HTR7: variants seen among roughly 807,000 people sequenced by gnomAD.
HTR7 encodes 5-hydroxytryptamine receptor 7, also known as 5-HT-7.
A neutral mutation model predicts 34.0 loss-of-function variants in HTR7; 16 were observed. The ratio of observed to expected loss-of-function variants is 0.47; its 90% CI spans 0.32 to 0.71. HTR7 has a LOEUF of 0.71. Ranked by LOEUF, HTR7 falls within the 30% of genes least tolerant of loss-of-function variation. The probability of loss-of-function intolerance (pLI) is 0.04; values close to 1 mark genes in which losing one functional copy is unlikely to be tolerated. For synonymous variants in HTR7, 265 were observed against 260.2 expected, an observed-to-expected ratio of 1.02 and a Z score of -0.18; for missense variants, 504 against 625.5, an observed-to-expected ratio of 0.81 and a Z score of 2.07.
At chr10:90,851,755 AC>A (rs1438535519) in intron 1 of HTR7, among the ~76,000 whole-genome samples, 1 of 152,130 alleles carries the variant, frequency 6.6e-6, no homozygotes, top group Non-Finnish European at 1.5e-5. Context: ...AATAATCCCC[AC>A]ATGTCAAGGG....
chr10:90,814,676 G>C (rs2119981947), intron 1 of HTR7, among the ~76,000 whole-genome samples: 1 of 152,238 alleles, frequency 6.6e-6, no homozygotes, highest in South Asian at 2.1e-4. Context: ...GGTAGTAGAA[G>C]TCTTTAGATG....
chr10:90,829,908 A>C (rs1459686689), intron 1 of HTR7, among the ~76,000 whole-genome samples: 1 of 152,222 alleles, frequency 6.6e-6, no homozygotes, highest in Non-Finnish European at 1.5e-5. Flanking sequence ...GAATTAACCA[A>C]AGAAGTGAAA....
chr10:90,748,991 A>G lies in HTR7; in HGVS notation c.1143T>C (p.Pro381=). Residue 381 remains proline (P), a synonymous_variant, in exon 2 of 4, where the codon CCT becomes CCC. Coordinates refer to ENST00000336152, the MANE Select transcript of HTR7 (RefSeq NM_019859.4). ...CCCGGTTGAAGAAGGCATATATAAA[A>G]GGGTTAATGAGAGAGTTTGCATAGC... ...WLGYANSLIN[P]FIYAFFNRDL... is the part of the protein sequence containing the mutation. The G allele has an allele frequency of 6.2e-7, 1 of 1,614,126 alleles. No homozygotes were observed. Among genetic ancestry groups the G allele is most frequent in the Non-Finnish European group, 8.5e-7 (1 of 1,180,002 alleles).
intron 1 of HTR7, among the ~76,000 whole-genome samples, chr10:90,849,395 TA>T (rs939202657): frequency 3.6e-4 from 53 of 149,086 alleles, no homozygotes; most frequent in African/African-American, 1.0e-3. Context: ...AACTTAGAAT[TA>T]AAAAAAAAAC....
chr10:90,782,018 G>T (rs553411170), intron 1 of HTR7, among the ~76,000 whole-genome samples: 1 of 152,216 alleles, frequency 6.6e-6, no homozygotes, highest in East Asian at 1.9e-4. Context: ...CCAGGACCAA[G>T]CATTGGCCTC....
chr10:90,789,941 C>T (rs745490040), intron 1 of HTR7, among the ~76,000 whole-genome samples: 1 of 152,040 alleles, frequency 6.6e-6, no homozygotes, highest in South Asian at 2.1e-4. Flanking sequence ...ATGCAAAAAG[C>T]GTTCCATAAA....
Position 90,857,235 on chromosome 10 carries a change from C to A in HTR7, c.437G>T (p.Gly146Val). 6.2e-7 allele frequency: 1 copy of A among 1,614,146 alleles called. No individual in the cohort carries two copies. The highest frequency in any genetic ancestry group is 1.3e-5 in the African/African-American group (1 of 75,038). Reference sequence around the variant, plus strand: ...GAAAAAGTGTCCAAAGATCCACTTGCCCCCGATGAGGTCGGTGACGCTGAC... The same window carrying A: ...GAAAAAGTGTCCAAAGATCCACTTGACCCCGATGAGGTCGGTGACGCTGAC... ...PFVSVTDLIG[G>V]KWIFGHFFCN... Residue 146 changes from glycine to valine, a missense_variant, in exon 1 of 4, where the codon GGC becomes GTC. By Grantham distance (109) the Gly-to-Val change is moderately radical (BLOSUM62 -3). This residue lies in a region of HTR7 where 154 missense variants were observed against 248.8 expected (regional missense o/e 0.62). Coordinates refer to ENST00000336152, the MANE Select transcript of HTR7 (RefSeq NM_019859.4). This position sits in a 1 kb window ranked among gnomAD's most constrained non-coding sequence, Gnocchi z 6.5.
intron 1 of HTR7, among the ~76,000 whole-genome samples, chr10:90,811,371 C>T (rs574320245): frequency 1.2e-4 from 18 of 150,626 alleles, no homozygotes; most frequent in African/African-American, 4.1e-4. Context: ...TTCTTCCTCA[C>T]ACCTGATGCC....
chr10:90,805,025 A>T (rs1845681967), intron 1 of HTR7, among the ~76,000 whole-genome samples: 1 of 151,834 alleles, frequency 6.6e-6, no homozygotes, highest in South Asian at 2.1e-4. Context: ...CAGGTCTAAA[A>T]CTCTGCACTG....
rs1048394745 is a variant in HTR7 at position 90,751,106 on chromosome 10, C to T, written c.540-1512G>A. 2.6e-5 allele frequency among the ~76,000 whole-genome samples: 4 copies of T among 152,172 alleles called. No homozygotes were observed. In the East Asian group the frequency reaches 7.7e-4, roughly 29 times the overall value. On this transcript the variant is annotated intron_variant, in intron 1 of 3. Transcript: ENST00000336152. ...TGGTTCTTCATTTGCAAACTTCCGC[C>T]TCCCCTTTTCCTTAATAAAGCTGAC...
At chr10:90,757,560 C>T (rs568390514) in intron 1 of HTR7, among the ~76,000 whole-genome samples, 1 of 152,276 alleles carries the variant, frequency 6.6e-6, no homozygotes, top group South Asian at 2.1e-4. Flanking sequence ...CTTCCTTTCC[C>T]CGCAACCCTA....
intron 1 of HTR7, among the ~76,000 whole-genome samples, chr10:90,792,998 C>T (rs1845483040): frequency 6.6e-6 from 1 of 152,046 alleles, no homozygotes; most frequent in Non-Finnish European, 1.5e-5. Context: ...TTGACAATGA[C>T]TTCTTGGATA....
chr10:90,821,134 G>GCACACACACACACA (rs3035231), intron 1 of HTR7, among the ~76,000 whole-genome samples: 302 of 150,314 alleles, frequency 2.0e-3, no homozygotes, highest in African/African-American at 6.6e-3. Context: ...ACACACACAT[G>GCACACACACACACA]CACACACACA....
intron 2 of HTR7, among the ~76,000 whole-genome samples, chr10:90,747,530 C>T (rs1803960709): frequency 6.6e-6 from 1 of 152,156 alleles, no homozygotes; most frequent in African/African-American, 2.4e-5. Context: ...CTGTAGTCTT[C>T]CAACTTTCAG....
In HTR7 at chr10:90,857,527, G is replaced by A. The variant is rs772956693; in HGVS notation, c.145C>T (p.Leu49=). Residue 49 remains leucine, a synonymous_variant, in exon 1 of 4, where the codon CTG becomes TTG. Transcript: ENST00000336152. The surrounding 1 kb of genome is among the most constrained non-coding windows in gnomAD (Gnocchi z 6.5). ...PVAGSWAPHL[L]SEVTASPAPT... ...GCCGGGCTGGCTGTCACCTCGCTCA[G>A]CAGGTGCGGCGCCCAGGAGCCCGCG... The A allele has an allele frequency of 4.4e-6, 7 of 1,608,468 alleles. No individual in the cohort carries two copies. The South Asian group carries it at 6.6e-5, about 15-fold the overall frequency.
rs1844541479 is a variant in HTR7, at chr10:90,741,447, G to A, written c.*1035C>T. The A allele has an allele frequency of 1.3e-5, 2 of 152,206 alleles. No homozygotes were observed. The highest frequency in any genetic ancestry group is 1.3e-4 in the Admixed American group (2 of 15,264). 9.4% of individuals were successfully genotyped at this position (152,206 alleles called of 1,614,324 possible). ...ATAGAACACAAAAACAAATTCTCTA[G>A]AAGGAACAGACTGGTGTTCTGAAGC... On this transcript the variant is annotated 3_prime_UTR_variant, in exon 4 of 4. Transcript: ENST00000336152.
chr10:90,749,418 T>C lies in HTR7; in HGVS notation c.716A>G (p.Tyr239Cys). 1 of 1,614,168 alleles carries C rather than the reference T, an allele frequency of 6.2e-7. No homozygotes were observed. The highest frequency in any genetic ancestry group is 1.7e-5 in the Admixed American group (1 of 60,022). ...KVCLISQDFG[Y>C]TIYSTAVAFY... ...TGCCACTGCGGTAGAGTAAATCGTA[T>C]AGCCAAAGTCCTGGCTGATCAAGCA... Residue 239 changes from tyrosine to cysteine, a missense_variant, in exon 2 of 4, where the codon TAT (tyrosine) becomes TGT (cysteine). Around this residue, in one of 4 missense-constraint regions of HTR7, gnomAD observed 154 missense variants for 248.8 expected, o/e 0.62. Transcript: ENST00000336152. This position sits in a 1 kb window ranked among gnomAD's most constrained non-coding sequence, Gnocchi z 4.2.
intron 1 of HTR7, among the ~76,000 whole-genome samples, chr10:90,842,642 T>A (rs1275201478): frequency 6.6e-6 from 1 of 151,956 alleles, no homozygotes; most frequent in Non-Finnish European, 1.5e-5. Flanking sequence ...TCTACTTGGG[T>A]ATTGCCTTCA....
At chr10:90,781,056 TC>T (rs1339690573) in intron 1 of HTR7, among the ~76,000 whole-genome samples, 3 of 152,194 alleles carry the variant, frequency 2.0e-5, no homozygotes, top group Non-Finnish European at 4.4e-5. Flanking sequence ...CAGCAAAATT[TC>T]AAATAATGCA....
Sources: gnomAD v4.1 joint callset for allele counts (sites outside exome capture counted in the v4.1 genomes callset) on GRCh38, gnomAD v4.1.1 for gene constraint, gnomAD v4.1.1 regional missense constraint, Gnocchi (gnomAD v3.1) non-coding constraint, MANE v1.5 for transcripts, NCBI Gene and HGNC (gene_info 2026-07-23, HGNC 2026-07-21) for gene names.